HAS2: variants seen among roughly 807,000 people sequenced by gnomAD.
HAS2 encodes the protein HA synthase 2.
Under a neutral mutation model 51.6 loss-of-function variants are expected in HAS2, and 16 were observed. The observed-to-expected ratio is 0.31, with a 90% CI of 0.21 to 0.47. The LOEUF (loss-of-function observed/expected upper bound fraction) is 0.47, where lower values mean the gene tolerates loss of function less well. HAS2 is among the 20% of genes least tolerant of loss of function. The probability of loss-of-function intolerance (pLI) is 1.00; values close to 1 mark genes in which losing one functional copy is unlikely to be tolerated. For synonymous variants in HAS2, 228 were observed against 235.5 expected, an observed-to-expected ratio of 0.97 and a Z score of 0.29; for missense variants, 361 against 662.6, an observed-to-expected ratio of 0.54 and a Z score of 5.00.
chr8:121,624,619 A>T (rs1036337938), intron 2 of HAS2, among the ~76,000 whole-genome samples: 2 of 152,192 alleles, frequency 1.3e-5, no homozygotes, highest in Non-Finnish European at 2.9e-5. Context: ...CAATAGTGAC[A>T]TTTCCTCCGA....
At chr8:121,615,870 T>C (rs943017120) in intron 3 of HAS2, among the ~76,000 whole-genome samples, 1 of 152,194 alleles carries the variant, frequency 6.6e-6, no homozygotes, top group Non-Finnish European at 1.5e-5. Context: ...TAATGCTTTA[T>C]ATAAAGGCTA....
chr8:121,625,622 C>T (rs1434542508), intron 2 of HAS2, among the ~76,000 whole-genome samples: 2 of 151,172 alleles, frequency 1.3e-5, no homozygotes, highest in Admixed American at 6.6e-5. Flanking sequence ...AGCAATCCTA[C>T]CTCAGCCTTC....
At chr8:121,616,952 A>C (rs1309118367) in intron 3 of HAS2, among the ~76,000 whole-genome samples, 153 bp downstream of exon 3, 1 of 152,206 alleles carries the variant, frequency 6.6e-6, no homozygotes, top group African/African-American at 2.4e-5. Flanking sequence ...AGTGAAGCAG[A>C]TCCAAGGCAC....
intron 2 of HAS2, among the ~76,000 whole-genome samples, chr8:121,627,659 A>G (rs1296775648): frequency 6.6e-6 from 1 of 152,204 alleles, no homozygotes; most frequent in African/African-American, 2.4e-5. Flanking sequence ...ACGGTCAACC[A>G]GCTAGTAATC....
At chr8:121,630,930 G>A (rs73710808) in intron 1 of HAS2, among the ~76,000 whole-genome samples, 5,223 of 152,134 alleles carry the variant, frequency 0.034, 332 homozygotes, top group African/African-American at 0.12. Flanking sequence ...TGTACTTTTG[G>A]GAAACCTTAG....
At position 121,629,326 on chromosome 8, in the gene HAS2, C is replaced by A. The variant is rs1812898178; in HGVS notation, c.15G>T (p.Arg5Ser). 6.2e-7 allele frequency: 1 copy of A among 1,609,232 alleles called. No individual in the cohort carries two copies. The highest frequency in any genetic ancestry group is 2.2e-5 in the East Asian group (1 of 44,856). The change falls in exon 2 of 4, where the codon AGG (arginine) becomes AGT (serine). Residue 5 changes from arginine to serine, a missense_variant. Transcript: ENST00000303924. MHCE[R>S]FLCILRIIGT... ...CAATTATTCTCAGGATACATAGAAA[C>A]CTCTCACAATGCATCTGTAATATAA...
At position 121,640,420 on chromosome 8, in the gene HAS2, A is replaced by AGTGTGTGTGTGTGT. The variant is rs10578731; in HGVS notation, c.-1+419_-1+432dup. ...GGGCTATTCCAGTTTTTCTCCCCAC[A>AGTGTGTGTGTGTGT]GTGTGTGTGTGTGTGTGTGTGTGTG... On this transcript the variant is annotated intron_variant, in intron 1 of 3. Coordinates refer to ENST00000303924, the MANE Select transcript of HAS2 (RefSeq NM_005328.3). Among the ~76,000 whole-genome samples, 1,399 of 148,418 alleles carry AGTGTGTGTGTGTGT rather than the reference A, an allele frequency of 9.4e-3. 30 individuals carry two copies. Among genetic ancestry groups the AGTGTGTGTGTGTGT allele is most frequent in the African/African-American group, 0.03 (1,208 of 39,924 alleles).
At chr8:121,616,635 C>T (rs1812707090) in intron 3 of HAS2, among the ~76,000 whole-genome samples, 1 of 151,950 alleles carries the variant, frequency 6.6e-6, no homozygotes, top group South Asian at 2.1e-4. Context: ...GGGGTTTCAC[C>T]ATATTGATCA....
At position 121,614,319 on chromosome 8, in the gene HAS2, A is replaced by G; in HGVS notation, c.1449T>C (p.Val483=). 6.2e-7 allele frequency: 1 copy of G among 1,614,176 alleles called. No individual in the cohort carries two copies. The highest frequency in any genetic ancestry group is 2.2e-5 in the East Asian group (1 of 44,886). Reference sequence around the variant, plus strand: ...CACCACCCAGGAGGATTGTAAACCAAACTGATACTGGAATGAGTCCTATGA... The same window carrying G: ...CACCACCCAGGAGGATTGTAAACCAGACTGATACTGGAATGAGTCCTATGA... ...VNFIGLIPVS[V]WFTILLGGVI... Residue 483 remains valine, a synonymous_variant, in exon 4 of 4, where the codon GTT becomes GTC. Coordinates refer to ENST00000303924, the MANE Select transcript of HAS2 (RefSeq NM_005328.3). This position sits in a 1 kb window ranked among gnomAD's most constrained non-coding sequence, Gnocchi z 7.2.
chr8:121,622,717 A>T (rs1251902436), intron 2 of HAS2, among the ~76,000 whole-genome samples: 1 of 151,830 alleles, frequency 6.6e-6, no homozygotes, highest in Non-Finnish European at 1.5e-5. Flanking sequence ...CCAAAGCTCT[A>T]GTGCATGTTC....
chr8:121,623,671 T>G (rs994163048), intron 2 of HAS2, among the ~76,000 whole-genome samples: 1 of 152,204 alleles, frequency 6.6e-6, no homozygotes, highest in African/African-American at 2.4e-5. Flanking sequence ...GAAAGACATC[T>G]TAGAGATCAT....
chr8:121,620,826 C>T (rs554514012), intron 2 of HAS2, among the ~76,000 whole-genome samples: 6 of 151,626 alleles, frequency 4.0e-5, no homozygotes, highest in African/African-American at 1.5e-4. Flanking sequence ...GGTCATGGGC[C>T]AAGAATGGTT....
Position 121,614,597 on chromosome 8 carries a change from T to A in HAS2, c.1171A>T (p.Ile391Phe), listed in dbSNP as rs779659123. 1.9e-6 allele frequency: 3 copies of A among 1,613,948 alleles called. No individual in the cohort carries two copies. In the South Asian group the frequency reaches 3.3e-5, roughly 18 times the overall value. Reference sequence around the variant, plus strand: ...TAGAAGAGCTGGATTACTGTGGCAATGAGAAAGAAAGGAAAGAATCCAGTG... The same window carrying A: ...TAGAAGAGCTGGATTACTGTGGCAAAGAGAAAGAAAGGAAAGAATCCAGTG... Reference protein sequence around the residue: ...IITGFFPFFLIATVIQLFYRG... With the variant: ...IITGFFPFFLFATVIQLFYRG... Residue 391 changes from isoleucine (I) to phenylalanine (F), a missense_variant, in exon 4 of 4, where the codon ATT becomes TTT. Transcript: ENST00000303924. This position sits in a 1 kb window ranked among gnomAD's most constrained non-coding sequence, Gnocchi z 7.2.
rs1812654543 is a variant in HAS2, at chr8:121,612,807, A to G, written c.*1302T>C. The G allele has an allele frequency of 6.6e-6, 1 of 152,200 alleles. No homozygotes were observed. The highest frequency in any genetic ancestry group is 2.1e-4 in the South Asian group (1 of 4,828). 9.4% of individuals were successfully genotyped at this position (152,200 alleles called of 1,614,324 possible). A position where few individuals can be genotyped will look rare whatever the true frequency, so the allele number is the denominator to read the frequency against. ...AGTGATGATCTGTGTAATTCAGAAA[A>G]ACAAAATTCCTCATTTGAAAGTAAA... On this transcript the variant is annotated 3_prime_UTR_variant, in exon 4 of 4. Transcript: ENST00000303924.
intron 2 of HAS2, among the ~76,000 whole-genome samples, chr8:121,618,519 G>A (rs1266758134): frequency 6.6e-6 from 1 of 152,060 alleles, no homozygotes; most frequent in African/African-American, 2.4e-5. Context: ...AAAGGCTGAT[G>A]GGTTATACCT....
In HAS2 at chr8:121,624,743, T is replaced by C. The variant is rs542845588; in HGVS notation, c.627+3971A>G. Reference sequence around the variant, plus strand: ...TGTTTTCCTTTGTCTCATAGACTGGTGGCCACGTGAGTGGTAATACGCATG... The same window carrying C: ...TGTTTTCCTTTGTCTCATAGACTGGCGGCCACGTGAGTGGTAATACGCATG... On this transcript the variant is annotated intron_variant, in intron 2 of 3. Coordinates refer to ENST00000303924, the MANE Select transcript of HAS2 (RefSeq NM_005328.3). Among the ~76,000 whole-genome samples, 5 of 152,286 alleles carry C rather than the reference T, an allele frequency of 3.3e-5. No homozygotes were observed. In the South Asian group the frequency reaches 6.2e-4, roughly 19 times the overall value.
Position 121,616,381 on chromosome 8 carries a change from T to C in HAS2, c.729+724A>G, listed in dbSNP as rs373354617. On this transcript the variant is annotated intron_variant, in intron 3 of 3. Transcript: ENST00000303924. ...ACATATTGATCATCCTTTAGGTATA[T>C]AGGTATAAGATATATACCAATTTCT... Among the ~76,000 whole-genome samples the C allele has an allele frequency of 2.0e-4, 30 of 152,244 alleles. No homozygotes were observed. In the East Asian group the frequency reaches 4.8e-3, roughly 24 times the overall value.
At chr8:121,636,097 C>T (rs563045265) in intron 1 of HAS2, among the ~76,000 whole-genome samples, 14 of 152,224 alleles carry the variant, frequency 9.2e-5, no homozygotes, top group Non-Finnish European at 1.8e-4. Context: ...GTGGCTCCCA[C>T]ATTTTGAGTT....
At chr8:121,619,658 G>A (rs1812749737) in intron 2 of HAS2, among the ~76,000 whole-genome samples, 6 of 152,100 alleles carry the variant, frequency 3.9e-5, no homozygotes, top group South Asian at 2.1e-4. Context: ...GAATTCCCCC[G>A]AAAGTGATGT....
Sources: gnomAD v4.1 joint callset for allele counts (sites outside exome capture counted in the v4.1 genomes callset) on GRCh38, gnomAD v4.1.1 for gene constraint, Gnocchi (gnomAD v3.1) non-coding constraint, MANE v1.5 for transcripts, NCBI Gene and HGNC (gene_info 2026-07-23, HGNC 2026-07-21) for gene names.